ULK4: variants seen among roughly 807,000 people sequenced by gnomAD.
ULK4 encodes inactive serine/threonine-protein kinase ULK4.
Under a neutral mutation model 160.6 loss-of-function variants are expected in ULK4, and 133 were observed. That is an observed-to-expected ratio of 0.83 (90% confidence interval 0.72 to 0.96). The LOEUF (loss-of-function observed/expected upper bound fraction) is 0.96, where lower values mean the gene tolerates loss of function less well. Ranked by LOEUF, ULK4 falls within the 40% of genes least tolerant of loss-of-function variation. ULK4 has a pLI of 0.00. For missense variants in ULK4, 1,580 were observed against 1,499.5 expected (o/e 1.05, Z -0.89); for synonymous variants, 534 against 539.8 (o/e 0.99, Z 0.15).
At chr3:41,728,590 G>T (rs2037726018) in intron 22 of ULK4, among the ~76,000 whole-genome samples, 1 of 151,988 alleles carries the variant, frequency 6.6e-6, no homozygotes, top group African/African-American at 2.4e-5. Flanking sequence ...GAAGCCATTA[G>T]ATTAAATGAG....
Position 41,642,321 on chromosome 3 carries a change from T to C in ULK4, c.3071+21286A>G, listed in dbSNP as rs150727456. Among the ~76,000 whole-genome samples the C allele has an allele frequency of 7.4e-3, 1,123 of 152,268 alleles. 7 individuals are homozygous for C. Among genetic ancestry groups the C allele is most frequent in the Non-Finnish European group, 0.011 (775 of 68,010 alleles). ...GTCATTTAGCATTAGGTATATCTCC[T>C]AATGCTATCCCTCCCTACTCCCCCC... On this transcript the variant is annotated intron_variant, in intron 30 of 36. Coordinates refer to ENST00000301831, the MANE Select transcript of ULK4 (RefSeq NM_017886.4).
intron 30 of ULK4, among the ~76,000 whole-genome samples, chr3:41,643,353 T>G (rs2034324442): frequency 6.6e-6 from 1 of 152,258 alleles, no homozygotes; most frequent in Non-Finnish European, 1.5e-5. Context: ...TAATCCATCT[T>G]GAATTAATTT....
chr3:41,709,813 C>G (rs1205522208), intron 25 of ULK4, among the ~76,000 whole-genome samples: 2 of 152,102 alleles, frequency 1.3e-5, no homozygotes, highest in Non-Finnish European at 2.9e-5. Flanking sequence ...ATAAGAAACT[C>G]AGAGAGAGAG....
At chr3:41,481,088 C>T (rs1211474263) in intron 32 of ULK4, among the ~76,000 whole-genome samples, 1 of 152,134 alleles carries the variant, frequency 6.6e-6, no homozygotes, top group African/African-American at 2.4e-5. Context: ...TTTATGTTAT[C>T]AGTAAGGCTT....
At chr3:41,437,009 T>C (rs1480441696) in intron 34 of ULK4, among the ~76,000 whole-genome samples, 1 of 152,202 alleles carries the variant, frequency 6.6e-6, no homozygotes, top group Non-Finnish European at 1.5e-5. Flanking sequence ...AGATAAAGTT[T>C]TATGCTCTGC....
At chr3:41,346,045 G>A (rs2080792891) in intron 35 of ULK4, among the ~76,000 whole-genome samples, 1 of 152,008 alleles carries the variant, frequency 6.6e-6, no homozygotes, top group South Asian at 2.1e-4. Context: ...CAGAGTATAA[G>A]GACAGGATGC....
chr3:41,797,290 T>G (rs1460277370), intron 20 of ULK4, among the ~76,000 whole-genome samples: 1 of 152,158 alleles, frequency 6.6e-6, no homozygotes, highest in African/African-American at 2.4e-5. Context: ...CCCAAAATAT[T>G]TATTATCTGA....
At chr3:41,598,938 C>T (rs1011391778) in intron 31 of ULK4, among the ~76,000 whole-genome samples, 10 of 152,238 alleles carry the variant, frequency 6.6e-5, no homozygotes, top group South Asian at 2.1e-4. Flanking sequence ...CTGGGCTGCA[C>T]TCCTTTCTGG....
At chr3:41,725,423 T>G (rs1465859257) in intron 22 of ULK4, among the ~76,000 whole-genome samples, 2 of 152,214 alleles carry the variant, frequency 1.3e-5, no homozygotes, top group Admixed American at 1.3e-4. Flanking sequence ...TCTTCTATAC[T>G]TTTGTCTCTC....
chr3:41,682,586 G>A (rs2035959156), intron 27 of ULK4, among the ~76,000 whole-genome samples: 1 of 152,224 alleles, frequency 6.6e-6, no homozygotes, highest in Non-Finnish European at 1.5e-5. Context: ...GCACAGGCAA[G>A]AATCTCCATA....
At position 41,566,086 on chromosome 3, in the gene ULK4, A is replaced by G; in HGVS notation, c.3165T>C (p.Ile1055=). The part of the protein sequence containing the change: ...SILGNTMQSV[I]ALLSNLVACK... ...AGGCAACTAGATTGCTGAGTAATGCAATCACACTTTGCATGGTATTACCCA... is the reference window on the plus strand; with the variant it reads ...AGGCAACTAGATTGCTGAGTAATGCGATCACACTTTGCATGGTATTACCCA... Residue 1055 remains isoleucine, a synonymous_variant, in exon 32 of 37, where the codon ATT becomes ATC. Transcript: ENST00000301831. The G allele has an allele frequency of 6.2e-7, 1 of 1,613,928 alleles. No individual in the cohort carries two copies. The highest frequency in any genetic ancestry group is 1.1e-5 in the South Asian group (1 of 91,048).
intron 17 of ULK4, among the ~76,000 whole-genome samples, chr3:41,850,684 G>A (rs977062267): frequency 1.5e-4 from 23 of 151,848 alleles, no homozygotes; most frequent in Non-Finnish European, 2.5e-4. Flanking sequence ...ATTTGTTTGC[G>A]TTCATTGTAG....
chr3:41,667,578 G>A (rs1324074110), intron 29 of ULK4, among the ~76,000 whole-genome samples: 1 of 152,120 alleles, frequency 6.6e-6, no homozygotes, highest in African/African-American at 2.4e-5. Flanking sequence ...CCTCAGGGAA[G>A]ACTAACCAGT....
chr3:41,746,287 A>AAAG (rs1472203505), intron 22 of ULK4, among the ~76,000 whole-genome samples: 3 of 148,858 alleles, frequency 2.0e-5, no homozygotes, highest in African/African-American at 7.5e-5. Context: ...AAAAAAAAAA[A>AAAG]AAAAAAAAAC....
intron 2 of ULK4, among the ~76,000 whole-genome samples, chr3:41,947,880 G>A (rs1407546526): frequency 2.0e-5 from 3 of 152,076 alleles, no homozygotes; most frequent in Non-Finnish European, 2.9e-5. Flanking sequence ...TCAACAATAC[G>A]CTTTTGGTGT....
rs1194630512 is a variant in ULK4 at position 41,500,530 on chromosome 3, C to CA, written c.3227-37278dup. On this transcript the variant is annotated intron_variant, in intron 32 of 36. Transcript: ENST00000301831. ...TGGGAGGCAACCTTTCTTCAGGAAT[C>CA]AGAGCAGTGGAGTGGGAGTCCTCAA... Among the ~76,000 whole-genome samples, 6 of 152,264 alleles carry CA rather than the reference C, an allele frequency of 3.9e-5. No homozygotes were observed. In the East Asian group the frequency reaches 1.2e-3, roughly 29 times the overall value.
chr3:41,947,784 A>G (rs775930704), intron 2 of ULK4, among the ~76,000 whole-genome samples: 4 of 152,204 alleles, frequency 2.6e-5, no homozygotes, highest in Non-Finnish European at 4.4e-5. Context: ...GTGTTTATAC[A>G]TGCCTTGATT....
intron 32 of ULK4, among the ~76,000 whole-genome samples, chr3:41,522,129 C>CTTTTTTTTTT (rs57720185): frequency 1.8e-4 from 24 of 135,950 alleles, no homozygotes; most frequent in Non-Finnish European, 2.2e-4. Flanking sequence ...TCTTTTTTTT[C>CTTTTTTTTTT]TTTTTTTTTT....
At chr3:41,899,579 C>A (rs1203652999) in intron 13 of ULK4, among the ~76,000 whole-genome samples, 1 of 152,176 alleles carries the variant, frequency 6.6e-6, no homozygotes, top group Non-Finnish European at 1.5e-5. Flanking sequence ...AATTTGTAAA[C>A]CTTCTTAAAA....
Sources: gnomAD v4.1 joint callset for allele counts (sites outside exome capture counted in the v4.1 genomes callset) on GRCh38, gnomAD v4.1.1 for gene constraint, MANE v1.5 for transcripts, NCBI Gene and HGNC (gene_info 2026-07-23, HGNC 2026-07-21) for gene names.